Variants in CNTNAP5 observed in about 807,000 individuals in gnomAD.
CNTNAP5 encodes contactin associated protein family member 5.
A neutral mutation model predicts 150.2 loss-of-function variants in CNTNAP5; 72 were observed. The ratio of observed to expected loss-of-function variants is 0.48; its 90% CI spans 0.40 to 0.58. The LOEUF (loss-of-function observed/expected upper bound fraction) is 0.58. CNTNAP5 is among the 20% of genes least tolerant of loss of function. The pLI, the probability that CNTNAP5 is intolerant of heterozygous loss-of-function variation, is 0.00. For synonymous variants in CNTNAP5, 672 were observed against 619.8 expected (o/e 1.08, Z -1.25); for missense variants, 1,636 against 1,626.2 (o/e 1.01, Z -0.10).
intron 13 of CNTNAP5, among the ~76,000 whole-genome samples, chr2:124,674,532 T>C (rs1312028837): frequency 4.8e-5 from 7 of 144,438 alleles, no homozygotes; most frequent in African/African-American, 1.8e-4. Context: ...TCTTTCTTTC[T>C]TTCTTTCTTT....
In CNTNAP5 at chr2:124,603,262, G is replaced by A. The variant is rs1177278421; in HGVS notation, c.1757-6539G>A. ...GCATTCTTACAGTGTGGCTGGGCAT[G>A]TGGGCCTCTTTCTGTAAATTGGTGT... On this transcript the variant is annotated intron_variant, in intron 11 of 23. Coordinates refer to ENST00000682447, the MANE Select transcript of CNTNAP5 (RefSeq NM_001367498.1). Among the ~76,000 whole-genome samples, 3 of 152,292 alleles carry A rather than the reference G, an allele frequency of 2.0e-5. No homozygotes were observed. The South Asian group carries it at 6.2e-4, about 32-fold the overall frequency.
At chr2:124,773,620 C>G (rs1681253188) in intron 17 of CNTNAP5, among the ~76,000 whole-genome samples, 1 of 152,144 alleles carries the variant, frequency 6.6e-6, no homozygotes, top group Admixed American at 6.6e-5. Flanking sequence ...AAGATCCAGG[C>G]ATCCTTCTTT....
intron 21 of CNTNAP5, among the ~76,000 whole-genome samples, chr2:124,870,229 A>T (rs574205931): frequency 8.6e-5 from 13 of 151,776 alleles, no homozygotes; most frequent in Non-Finnish European, 1.3e-4. Context: ...CATGCATACA[A>T]GATAGAAATT....
intron 1 of CNTNAP5, among the ~76,000 whole-genome samples, chr2:124,063,298 A>T (rs1287173415): frequency 1.3e-5 from 2 of 152,116 alleles, no homozygotes; most frequent in African/African-American, 2.4e-5. Flanking sequence ...CTGTCCATCT[A>T]GTTATGTCAT....
chr2:124,747,783 C>G (rs1205216469), intron 14 of CNTNAP5, among the ~76,000 whole-genome samples: 2 of 127,828 alleles, frequency 1.6e-5, no homozygotes, highest in Non-Finnish European at 3.2e-5. Flanking sequence ...CCACTCCTAA[C>G]TCTTCTTTTT....
chr2:124,143,036 T>C lies in CNTNAP5; in HGVS notation c.83-78669T>C, dbSNP rs1325865573. Among the ~76,000 whole-genome samples the C allele has an allele frequency of 8.3e-5, 4 of 48,280 alleles. No homozygotes were observed. The East Asian group carries it at 2.7e-3, about 33-fold the overall frequency. The allele number at this position is 48,280 out of a possible 152,430, so 31.7% of individuals were successfully genotyped here. ...ACCTCTACGCAAATAAACTAGAAAA[T>C]CTAGAAGAAATGGATACATTCCTCG... is the stretch of plus-strand genomic sequence containing the variant. On this transcript the variant is annotated intron_variant, in intron 1 of 23. Transcript: ENST00000682447.
intron 1 of CNTNAP5, among the ~76,000 whole-genome samples, chr2:124,219,578 C>T (rs929722615): frequency 6.6e-6 from 1 of 151,954 alleles, no homozygotes; most frequent in African/African-American, 2.4e-5. Context: ...CGTATTGATG[C>T]TTAAGACCTA....
intron 6 of CNTNAP5, among the ~76,000 whole-genome samples, chr2:124,451,077 T>TATATATATACACAC (rs755084840): frequency 4.9e-5 from 3 of 61,534 alleles, no homozygotes; most frequent in African/African-American, 2.1e-4. Flanking sequence ...TATATATATA[T>TATATATATACACAC]ACACACACAC....
chr2:124,414,159 CTTG>C (rs1348356246), intron 3 of CNTNAP5, among the ~76,000 whole-genome samples: 1 of 99,824 alleles, frequency 1.0e-5, no homozygotes, highest in African/African-American at 3.9e-5. Context: ...TGTTGTCATT[CTTG>C]TTGTTCACAT....
At chr2:124,779,454 C>T (rs1046567603) in intron 17 of CNTNAP5, among the ~76,000 whole-genome samples, 4 of 152,190 alleles carry the variant, frequency 2.6e-5, no homozygotes, top group African/African-American at 9.7e-5. Flanking sequence ...ACAGAACTTG[C>T]TTTCTGGTGA....
intron 3 of CNTNAP5, among the ~76,000 whole-genome samples, chr2:124,386,516 T>C (rs114582741): frequency 0.016 from 2,506 of 152,346 alleles, 70 homozygotes; most frequent in African/African-American, 0.057. Flanking sequence ...CCAAGAAATG[T>C]TTTAATTGTT....
chr2:124,494,826 A>G (rs1382851674), intron 7 of CNTNAP5, among the ~76,000 whole-genome samples: 1 of 152,210 alleles, frequency 6.6e-6, no homozygotes, highest in African/African-American at 2.4e-5. Flanking sequence ...TAATTTCCTA[A>G]TAGCAATTAC....
rs116595423 is a variant in CNTNAP5 at position 124,497,094 on chromosome 2, G to A, written c.1063-7198G>A. On this transcript the variant is annotated intron_variant, in intron 7 of 23. Coordinates refer to ENST00000682447, the MANE Select transcript of CNTNAP5 (RefSeq NM_001367498.1). ...GAATCCGCTAGAGACCATGGATCTTGCATGGTCCTCACACGCTTTTTATTT... is the reference window on the plus strand; with the variant it reads ...GAATCCGCTAGAGACCATGGATCTTACATGGTCCTCACACGCTTTTTATTT... 6.9e-3 allele frequency among the ~76,000 whole-genome samples: 1,045 copies of A among 152,276 alleles called. 7 individuals carry two copies. The highest frequency in any genetic ancestry group is 0.012 in the Admixed American group (189 of 15,290).
intron 17 of CNTNAP5, among the ~76,000 whole-genome samples, chr2:124,787,738 AT>A (rs1681630492): frequency 6.6e-6 from 1 of 152,162 alleles, no homozygotes; most frequent in Non-Finnish European, 1.5e-5. Flanking sequence ...AATGCCAGGA[AT>A]TCTTTAAATT....
intron 3 of CNTNAP5, among the ~76,000 whole-genome samples, chr2:124,261,220 T>G (rs531893360): frequency 1.3e-5 from 2 of 152,294 alleles, no homozygotes; most frequent in South Asian, 4.1e-4. Context: ...GTGGCTATTC[T>G]GTGTTGGGAC....
intron 18 of CNTNAP5, among the ~76,000 whole-genome samples, chr2:124,792,903 G>A (rs997463510): frequency 1.8e-4 from 28 of 152,122 alleles, no homozygotes; most frequent in Admixed American, 1.7e-3. Flanking sequence ...CAGTGTGAAA[G>A]CACCACAGTT....
chr2:124,755,734 C>G (rs1180058782), intron 14 of CNTNAP5, among the ~76,000 whole-genome samples: 1 of 152,132 alleles, frequency 6.6e-6, no homozygotes, highest in Non-Finnish European at 1.5e-5. Context: ...ATCTCCTTTG[C>G]ACATCTGTCT....
intron 1 of CNTNAP5, among the ~76,000 whole-genome samples, chr2:124,035,027 TTCC>T (rs1354276232): frequency 1.5e-3 from 150 of 97,158 alleles, no homozygotes; most frequent in Non-Finnish European, 1.9e-3. Context: ...CCTCCCTTCC[TTCC>T]TTCCTTCTTC....
intron 1 of CNTNAP5, among the ~76,000 whole-genome samples, chr2:124,185,558 T>C (rs1685314363): frequency 6.6e-6 from 1 of 152,176 alleles, no homozygotes; most frequent in South Asian, 2.1e-4. Context: ...AGAGGTGTGA[T>C]TTCAAGGAGA....
Sources: allele counts gnomAD v4.1 joint callset (sites outside exome capture counted in the v4.1 genomes callset), GRCh38; gene constraint gnomAD v4.1.1; transcripts MANE v1.5; gene names NCBI Gene and HGNC (gene_info 2026-07-23, HGNC 2026-07-21).